Variants in SYNJ1 observed in about 807,000 individuals in gnomAD.
SYNJ1 encodes synaptojanin 1.
Under a neutral mutation model 168.2 loss-of-function variants are expected in SYNJ1, and 78 were observed. That is an observed-to-expected ratio of 0.46 (90% confidence interval 0.39 to 0.56). The LOEUF (loss-of-function observed/expected upper bound fraction) is 0.56, where lower values mean the gene tolerates loss of function less well. Among genes scored for constraint, SYNJ1 ranks in the 20% least tolerant of loss-of-function variants. The pLI, the probability that SYNJ1 is intolerant of heterozygous loss-of-function variation, is 0.00. For synonymous variants in SYNJ1, 539 were observed against 548.6 expected (o/e 0.98, Z 0.24); for missense variants, 1,303 against 1,597.6 (o/e 0.82, Z 3.14).
At chr21:32,700,243 C>T (rs1054644327) in intron 3 of SYNJ1, 138 bp from the exon 4 acceptor site, 3 of 987,514 alleles carry the variant, frequency 3.0e-6, no homozygotes, top group African/African-American at 3.3e-5. Flanking sequence ...ATTCACTAGA[C>T]ATTTTAGTTG....
At chr21:32,708,254 C>T (rs761430966) in intron 2 of SYNJ1, among the ~76,000 whole-genome samples, 2 of 152,146 alleles carry the variant, frequency 1.3e-5, no homozygotes, top group African/African-American at 2.4e-5. Context: ...AGGAAACAAA[C>T]TGAAAGAATG....
chr21:32,637,335 A>G (rs2039614771), intron 31 of SYNJ1, among the ~76,000 whole-genome samples: 1 of 31,588 alleles, frequency 3.2e-5, no homozygotes, highest in South Asian at 1.2e-3. Context: ...GATTAGCAGA[A>G]AAAAAAAATC....
intron 22 of SYNJ1, 56 bp from the exon 23 acceptor site, chr21:32,650,402 GAATA>G: frequency 6.7e-7 from 1 of 1,497,098 alleles, no homozygotes; most frequent in Middle Eastern, 2.2e-4. Flanking sequence ...AACTAATTTG[GAATA>G]AAGAGGCTGA....
At chr21:32,704,263 C>T (rs1396421259) in intron 2 of SYNJ1, among the ~76,000 whole-genome samples, 2 of 152,102 alleles carry the variant, frequency 1.3e-5, no homozygotes, top group Admixed American at 1.3e-4. Context: ...GTATTCTATT[C>T]GGACACTCAG....
chr21:32,661,257 A>C (rs934890577), intron 18 of SYNJ1, among the ~76,000 whole-genome samples: 1 of 152,210 alleles, frequency 6.6e-6, no homozygotes, highest in Non-Finnish European at 1.5e-5. Flanking sequence ...TTGCCAAAGC[A>C]GTAGCACAAT....
intron 16 of SYNJ1, 56 bp downstream of exon 16, chr21:32,666,377 T>G (rs953085021): frequency 6.4e-7 from 1 of 1,560,306 alleles, no homozygotes; most frequent in African/African-American, 1.4e-5. Flanking sequence ...TTCTAGGCTT[T>G]TTTCTTGTTA....
At chr21:32,659,711 C>T (rs1303050251) in intron 18 of SYNJ1, among the ~76,000 whole-genome samples, 1 of 152,232 alleles carries the variant, frequency 6.6e-6, no homozygotes, top group Non-Finnish European at 1.5e-5. Flanking sequence ...GAATTGCTCA[C>T]TCGGGGAGCT....
chr21:32,686,889 G>T, intron 8 of SYNJ1, 89 bp downstream of exon 8: 1 of 903,972 alleles, frequency 1.1e-6, no homozygotes, highest in Non-Finnish European at 1.6e-6. Context: ...TTTACTTCCT[G>T]GAAGAATCTG....
chr21:32,707,948 C>G (rs1043623610), intron 2 of SYNJ1, among the ~76,000 whole-genome samples: 1 of 152,060 alleles, frequency 6.6e-6, no homozygotes, highest in African/African-American at 2.4e-5. Context: ...GCCTGGGAGG[C>G]GGAGGTTGCA....
In SYNJ1 at chr21:32,630,000, G is replaced by C. The variant is rs999736300; in HGVS notation, c.*1805C>G. On this transcript the variant is annotated 3_prime_UTR_variant, in exon 33 of 33. Coordinates refer to ENST00000674351, the MANE Select transcript of SYNJ1 (RefSeq NM_203446.3). ...TCCCTGCTAAAAGCAAAGTTCCAGA[G>C]CAAAAGCAGCAAAAAGAAAATATGG... 1.3e-5 allele frequency: 2 copies of C among 152,256 alleles called. No homozygotes were observed. The highest frequency in any genetic ancestry group is 2.9e-5 in the Non-Finnish European group (2 of 68,046). The allele number at this position is 152,256 out of a possible 1,614,324, so 9.4% of individuals were successfully genotyped here. A position where few individuals can be genotyped will look rare whatever the true frequency, so the allele number is the denominator to read the frequency against.
chr21:32,727,827 C>T, intron 1 of SYNJ1, 119 bp downstream of exon 1: 1 of 1,467,834 alleles, frequency 6.8e-7, no homozygotes, highest in Admixed American at 2.3e-5. Context: ...TGCTCGCGGT[C>T]GCCCCTCACC....
At chr21:32,666,653 T>G in intron 15 of SYNJ1, 80 bp from the exon 16 acceptor site, 2 of 1,411,384 alleles carry the variant, frequency 1.4e-6, no homozygotes, top group East Asian at 2.4e-5. Context: ...CAATTATACC[T>G]TTATCTACCC....
chr21:32,656,185 A>AGG lies in SYNJ1; in HGVS notation c.2795+501_2795+502insCC, dbSNP rs1300883525. On this transcript the variant is annotated intron_variant, in intron 21 of 32. Coordinates refer to ENST00000674351, the MANE Select transcript of SYNJ1 (RefSeq NM_203446.3). ...GGTGGCTCACGCCTGTAATCCCAGC[A>AGG]CTTTGTGGGGCTGAGCTGGGCAGAT... 2.0e-5 allele frequency among the ~76,000 whole-genome samples: 3 copies of AGG among 152,362 alleles called. No individual in the cohort carries two copies. The East Asian group carries it at 5.8e-4, about 29-fold the overall frequency.
At chr21:32,634,825 T>G in intron 32 of SYNJ1, 36 bp downstream of exon 32, 6 of 1,611,726 alleles carry the variant, frequency 3.7e-6, no homozygotes, top group Non-Finnish European at 5.1e-6. Context: ...TTGAGACGGA[T>G]GAAAACACAT....
At chr21:32,663,676 C>A (rs1463732672) in intron 18 of SYNJ1, among the ~76,000 whole-genome samples, 2 of 152,140 alleles carry the variant, frequency 1.3e-5, no homozygotes, top group Non-Finnish European at 2.9e-5. Context: ...GAGAATCATA[C>A]AATATTACAG....
At chr21:32,719,285 T>C (rs1322728909) in intron 2 of SYNJ1, among the ~76,000 whole-genome samples, 1 of 152,244 alleles carries the variant, frequency 6.6e-6, no homozygotes, top group Non-Finnish European at 1.5e-5. Flanking sequence ...TCATATTAGA[T>C]TGCAGTGCAT....
intron 18 of SYNJ1, among the ~76,000 whole-genome samples, chr21:32,664,198 G>C (rs536030891): frequency 6.6e-6 from 1 of 152,174 alleles, no homozygotes; most frequent in Non-Finnish European, 1.5e-5. Flanking sequence ...ATGCTTCAGC[G>C]CAAGTGTACC....
chr21:32,728,194 G>A (rs2043568194), upstream of SYNJ1: 4 of 887,670 alleles, frequency 4.5e-6, no homozygotes, highest in Admixed American at 6.6e-5. Flanking sequence ...TCCTGCGGCC[G>A]CCCCCAGGCA....
intron 23 of SYNJ1, among the ~76,000 whole-genome samples, chr21:32,646,911 G>A (rs532619133): frequency 1.3e-4 from 20 of 152,234 alleles, no homozygotes; most frequent in Non-Finnish European, 2.6e-4. Context: ...GCCAACTCAA[G>A]TTTCCTGCTC....
Sources: gnomAD v4.1 joint callset for allele counts (sites outside exome capture counted in the v4.1 genomes callset) on GRCh38, gnomAD v4.1.1 for gene constraint, MANE v1.5 for transcripts, NCBI Gene and HGNC (gene_info 2026-07-23, HGNC 2026-07-21) for gene names.